The following ABCC12 variants were observed in gnomAD, a reference collection of about 807,000 sequenced individuals.
The protein encoded by ABCC12 is ATP-binding cassette sub-family C member 12.
In ABCC12, 142 loss-of-function variants were observed where a neutral mutation model predicts 151.1. The ratio of observed to expected loss-of-function variants is 0.94; its 90% CI spans 0.82 to 1.08. The LOEUF (loss-of-function observed/expected upper bound fraction) is 1.08. Among genes scored for constraint, ABCC12 ranks in the 50% least tolerant of loss-of-function variants. ABCC12 has a pLI of 0.00. For missense variants in ABCC12, 1,638 were observed against 1,691.1 expected (o/e 0.97, Z 0.55); for synonymous variants, 645 against 646.4 (o/e 1.00, Z 0.03).
At chr16:48,114,643 C>A (rs533821476) in intron 15 of ABCC12, among the ~76,000 whole-genome samples, 11 of 152,156 alleles carry the variant, frequency 7.2e-5, no homozygotes, top group Admixed American at 3.3e-4. Flanking sequence ...CATGCACTGC[C>A]CCCCCTTCCC....
At chr16:48,092,327 C>T (rs762831600) in intron 24 of ABCC12, among the ~76,000 whole-genome samples, 24 of 152,140 alleles carry the variant, frequency 1.6e-4, no homozygotes, top group Non-Finnish European at 2.8e-4. Flanking sequence ...GAGATGTTAC[C>T]GCTGTGGGCA....
At chr16:48,154,764 C>T (rs1965161785) in intron 1 of ABCC12, among the ~76,000 whole-genome samples, 1 of 152,252 alleles carries the variant, frequency 6.6e-6, no homozygotes, top group African/African-American at 2.4e-5. Flanking sequence ...TGTTTGAGAA[C>T]TGGACTCTGG....
At chr16:48,098,392 G>C (rs1963184103) in intron 23 of ABCC12, among the ~76,000 whole-genome samples, 1 of 152,162 alleles carries the variant, frequency 6.6e-6, no homozygotes, top group South Asian at 2.1e-4. Flanking sequence ...GCATAGCTGT[G>C]AATGGCCTCA....
intron 2 of ABCC12, among the ~76,000 whole-genome samples, chr16:48,147,386 G>A (rs1409272284): frequency 6.6e-6 from 1 of 152,164 alleles, no homozygotes; most frequent in Non-Finnish European, 1.5e-5. Flanking sequence ...CCTAAGGTAT[G>A]TTGAGTTGGT....
chr16:48,098,090 GACACACACACACAC>G lies in ABCC12; in HGVS notation c.3039-1202_3039-1189del, dbSNP rs66949388. Among the ~76,000 whole-genome samples, 489 of 121,978 alleles carry G rather than the reference GACACACACACACAC, an allele frequency of 4.0e-3. 3 individuals are homozygous for G. The highest frequency in any genetic ancestry group is 0.014 in the African/African-American group (437 of 32,184). 80.0% of individuals were successfully genotyped at this position (121,978 alleles called of 152,430 possible). A position where few individuals can be genotyped will look rare whatever the true frequency, so the allele number is the denominator to read the frequency against. The stretch of plus-strand genomic sequence containing the variant: ...TCTCAATTGCAAGCCTGCCCCACCT[GACACACACACACAC>G]ACACACACACACACACACACACACA... On this transcript the variant is annotated intron_variant, in intron 23 of 30. Transcript: ENST00000311303.
chr16:48,151,813 C>T (rs944129616), intron 2 of ABCC12, among the ~76,000 whole-genome samples: 3 of 152,190 alleles, frequency 2.0e-5, no homozygotes, highest in Admixed American at 6.5e-5. Flanking sequence ...AATCTAAAGC[C>T]GAAAGCAGGC....
At chr16:48,099,250 T>G (rs974876999) in intron 23 of ABCC12, among the ~76,000 whole-genome samples, 5 of 152,000 alleles carry the variant, frequency 3.3e-5, no homozygotes, top group African/African-American at 1.2e-4. Flanking sequence ...AAATGCTGTC[T>G]CTACTAAAAA....
intron 22 of ABCC12, among the ~76,000 whole-genome samples, chr16:48,102,544 C>T (rs1963342382): frequency 6.6e-6 from 1 of 152,180 alleles, no homozygotes; most frequent in Non-Finnish European, 1.5e-5. Context: ...AACAATTTCG[C>T]TTCCTCAGGG....
chr16:48,145,850 A>G (rs942134028), intron 3 of ABCC12, among the ~76,000 whole-genome samples: 3 of 152,224 alleles, frequency 2.0e-5, no homozygotes, highest in African/African-American at 7.2e-5. Context: ...GCTTTATTTT[A>G]TGGGTCACCC....
intron 19 of ABCC12, 116 bp from the exon 20 acceptor site, chr16:48,107,541 C>T: frequency 1.2e-6 from 1 of 852,320 alleles, no homozygotes; most frequent in Non-Finnish European, 1.9e-6. Context: ...AAAGGACTCC[C>T]ACGCCTGGAA....
intron 13 of ABCC12, among the ~76,000 whole-genome samples, chr16:48,119,546 T>C (rs1179341557): frequency 6.6e-6 from 1 of 152,266 alleles, no homozygotes; most frequent in African/African-American, 2.4e-5. Flanking sequence ...TACTGATCAC[T>C]GACTCCTGCA....
At chr16:48,142,987 T>G (rs992832570) in intron 4 of ABCC12, among the ~76,000 whole-genome samples, 1 of 152,162 alleles carries the variant, frequency 6.6e-6, no homozygotes. Context: ...ATGGGAGAGA[T>G]CCTTCCACGG....
At chr16:48,118,340 C>A (rs1471588579) in intron 13 of ABCC12, among the ~76,000 whole-genome samples, 2 of 152,184 alleles carry the variant, frequency 1.3e-5, no homozygotes, top group African/African-American at 4.8e-5. Flanking sequence ...TAAGCAGAAC[C>A]TTCCCCAGGC....
intron 9 of ABCC12, among the ~76,000 whole-genome samples, chr16:48,132,511 T>C (rs1011336609): frequency 6.6e-6 from 1 of 152,176 alleles, no homozygotes; most frequent in African/African-American, 2.4e-5. Context: ...ACTTGCTTAT[T>C]TCCTTCTCTC....
At chr16:48,120,585 T>G (rs1225727874) in intron 13 of ABCC12, among the ~76,000 whole-genome samples, 1 of 150,432 alleles carries the variant, frequency 6.6e-6, no homozygotes, top group East Asian at 1.9e-4. Context: ...AGAAGGAGTC[T>G]CGCTCTTTTG....
intron 20 of ABCC12, among the ~76,000 whole-genome samples, 154 bp downstream of exon 20, chr16:48,107,168 C>G (rs1355549106): frequency 6.6e-6 from 1 of 152,116 alleles, no homozygotes; most frequent in Non-Finnish European, 1.5e-5. Flanking sequence ...GGTTTGGGTC[C>G]TGTGGTGTAA....
At chr16:48,115,390 T>C (rs772412629) in intron 15 of ABCC12, 25 bp downstream of exon 15, 2 of 1,611,026 alleles carry the variant, frequency 1.2e-6, no homozygotes, top group Non-Finnish European at 1.7e-6. Context: ...TCCCGTGACC[T>C]CCTGGATCCT....
intron 9 of ABCC12, among the ~76,000 whole-genome samples, chr16:48,132,227 G>A (rs1201963932): frequency 6.6e-6 from 1 of 152,214 alleles, no homozygotes; most frequent in African/African-American, 2.4e-5. Flanking sequence ...TCCAGCCTTG[G>A]TGTATCCTTG....
Position 48,108,282 on chromosome 16 carries a change from C to T in ABCC12, c.2371+158G>A, listed in dbSNP as rs144175798. On this transcript the variant is annotated intron_variant, in intron 19 of 30. Transcript: ENST00000311303. ...CCATTTAAAAGGCTGTATTATCAGA[C>T]GTTAGTTTTTAGGAGGGGAAAAAAT... is the stretch of plus-strand genomic sequence containing the variant. Among the ~76,000 whole-genome samples the T allele has an allele frequency of 9.8e-3, 1,495 of 152,182 alleles. 31 individuals carry two copies. Among genetic ancestry groups the T allele is most frequent in the African/African-American group, 0.035 (1,433 of 41,532 alleles).
Sources: allele counts gnomAD v4.1 joint callset (sites outside exome capture counted in the v4.1 genomes callset), GRCh38; gene constraint gnomAD v4.1.1; transcripts MANE v1.5; gene names NCBI Gene and HGNC (gene_info 2026-07-23, HGNC 2026-07-21).